Variants in LPP observed in about 807,000 individuals in gnomAD.
LPP encodes the protein LIM domain containing preferred translocation partner in lipoma.
A neutral mutation model predicts 60.4 loss-of-function variants in LPP; 38 were observed. The ratio of observed to expected loss-of-function variants is 0.63; its 90% CI spans 0.49 to 0.83. The LOEUF is 0.83. LPP is among the 40% of genes least tolerant of loss of function. The pLI is 0.00. For synonymous variants in LPP, 328 were observed against 290.8 expected (o/e 1.13, Z -1.30); for missense variants, 902 against 783.6 (o/e 1.15, Z -1.80).
intron 1 of LPP, chr3:188,178,917 T>TG (rs1303108478): frequency 8.1e-6 from 2 of 246,290 alleles, no homozygotes; most frequent in Non-Finnish European, 1.6e-5. Context: ...CATTGCAGAT[T>TG]GGTGCCTCTG....
rs144862431 is a variant in LPP at position 188,344,411 on chromosome 3, G to T, written c.-10+2692G>T. 5.3e-4 allele frequency among the ~76,000 whole-genome samples: 81 copies of T among 152,282 alleles called. 1 individual carries two copies. The highest frequency in any genetic ancestry group is 2.8e-3 in the Admixed American group (43 of 15,288). ...CAAAGCAGTATGTTGTATGTTATGT[G>T]CACCAGAAGCCATGAGAATCCTTTT... On this transcript the variant is annotated intron_variant, in intron 3 of 11. Transcript: ENST00000617246.
intron 3 of LPP, among the ~76,000 whole-genome samples, chr3:188,374,971 G>T (rs1434718136): frequency 6.6e-6 from 1 of 151,440 alleles, no homozygotes; most frequent in Non-Finnish European, 1.5e-5. Context: ...TAATCATGTG[G>T]TTTTTGTCTT....
chr3:188,617,954 T>C (rs543751060), intron 7 of LPP, among the ~76,000 whole-genome samples: 9 of 152,350 alleles, frequency 5.9e-5, no homozygotes, highest in Admixed American at 5.9e-4. Flanking sequence ...ACACTCATAC[T>C]GTCCAATTTC....
At chr3:188,331,906 C>T (rs755659132) in intron 2 of LPP, among the ~76,000 whole-genome samples, 1 of 152,150 alleles carries the variant, frequency 6.6e-6, no homozygotes, top group East Asian at 1.9e-4. Flanking sequence ...AATTCCAAGA[C>T]TATTTTTAAG....
chr3:188,487,877 CAGAGCCAAAAGAACGTCTACTA>C (rs1807054908), intron 5 of LPP, among the ~76,000 whole-genome samples: 1 of 152,116 alleles, frequency 6.6e-6, no homozygotes, highest in Non-Finnish European at 1.5e-5. Flanking sequence ...ATTTTCAGGT[CAGAGCCAAAAGAACGTCTACTA>C]AGAGTGATTA....
At chr3:188,564,952 C>T (rs532870507) in intron 6 of LPP, among the ~76,000 whole-genome samples, 8 of 151,968 alleles carry the variant, frequency 5.3e-5, no homozygotes, top group East Asian at 1.9e-4. Flanking sequence ...ATGGCCTCCT[C>T]ATCCTACGCC....
At chr3:188,295,834 G>A (rs1314840002) in intron 2 of LPP, among the ~76,000 whole-genome samples, 1 of 152,120 alleles carries the variant, frequency 6.6e-6, no homozygotes, top group African/African-American at 2.4e-5. Flanking sequence ...CCTTTATTTT[G>A]TTTTTAAGTG....
In LPP at chr3:188,882,897, C is replaced by T. The variant is rs2152087722; in HGVS notation, c.*8418C>T. 1 of 181,814 alleles carries T rather than the reference C, an allele frequency of 5.5e-6. No individual in the cohort carries two copies. The highest frequency in any genetic ancestry group is 9.1e-5 in the East Asian group (1 of 11,048). The allele number at this position is 181,814 out of a possible 1,614,324, so 11.3% of individuals were successfully genotyped here. On this transcript the variant is annotated 3_prime_UTR_variant, in exon 12 of 12. Coordinates refer to ENST00000617246, the MANE Select transcript of LPP (RefSeq NM_001375462.1). The stretch of plus-strand genomic sequence containing the variant: ...GGGACTACAGACGCCCGCCACCGCG[C>T]CCAGCTAATTTTTTTTGTACTTTTA...
chr3:188,639,707 G>T (rs1475739364), intron 7 of LPP, among the ~76,000 whole-genome samples: 5 of 151,698 alleles, frequency 3.3e-5, no homozygotes, highest in Non-Finnish European at 7.4e-5. Context: ...GTGGGCGAAG[G>T]ACATGAACAG....
intron 7 of LPP, among the ~76,000 whole-genome samples, chr3:188,681,860 ATT>A (rs1200800991): frequency 6.6e-6 from 1 of 152,184 alleles, no homozygotes; most frequent in African/African-American, 2.4e-5. Flanking sequence ...GTGTGTGCAT[ATT>A]GTTTGTCTCT....
chr3:188,276,922 A>G (rs62291418), intron 2 of LPP, among the ~76,000 whole-genome samples: 1 of 51,928 alleles, frequency 1.9e-5, no homozygotes, highest in Non-Finnish European at 3.2e-5. Context: ...TTTTTTTTGG[A>G]GAGACAGGTC....
At chr3:188,185,006 C>T (rs1560092361) in intron 1 of LPP, among the ~76,000 whole-genome samples, 1 of 151,988 alleles carries the variant, frequency 6.6e-6, no homozygotes, top group African/African-American at 2.4e-5. Flanking sequence ...TTTGGAAATC[C>T]CTAAAAATGA....
At chr3:188,654,471 A>C (rs548371501) in intron 7 of LPP, among the ~76,000 whole-genome samples, 1 of 152,278 alleles carries the variant, frequency 6.6e-6, no homozygotes, top group African/African-American at 2.4e-5. Context: ...ATTCTTACAC[A>C]CCTTAGGGTG....
intron 7 of LPP, among the ~76,000 whole-genome samples, chr3:188,638,086 C>T (rs908241553): frequency 9.5e-4 from 140 of 147,940 alleles, no homozygotes; most frequent in African/African-American, 3.3e-3. Flanking sequence ...GACCAATATC[C>T]TTGATGAACA....
At chr3:188,863,564 C>G (rs1765791832) in intron 9 of LPP, among the ~76,000 whole-genome samples, 1 of 152,132 alleles carries the variant, frequency 6.6e-6, no homozygotes, top group African/African-American at 2.4e-5. Flanking sequence ...TCGAAGGCTA[C>G]TGGTAGGCCC....
intron 1 of LPP, among the ~76,000 whole-genome samples, chr3:188,157,718 C>G (rs890746554): frequency 3.3e-5 from 5 of 151,558 alleles, no homozygotes; most frequent in Non-Finnish European, 5.9e-5. Context: ...TGGGGCATGT[C>G]CGTGTATTAA....
At chr3:188,165,815 A>C (rs1042953017) in intron 1 of LPP, among the ~76,000 whole-genome samples, 2 of 152,152 alleles carry the variant, frequency 1.3e-5, no homozygotes, top group Non-Finnish European at 2.9e-5. Context: ...CTCATTTTGC[A>C]TAAGGGGAGA....
chr3:188,491,631 C>T (rs780838579), intron 5 of LPP, among the ~76,000 whole-genome samples: 1 of 152,162 alleles, frequency 6.6e-6, no homozygotes, highest in Non-Finnish European at 1.5e-5. Flanking sequence ...TTATGGTCCA[C>T]ATATGTAGGT....
chr3:188,785,717 G>A (rs1741637189), intron 9 of LPP, among the ~76,000 whole-genome samples: 1 of 151,648 alleles, frequency 6.6e-6, no homozygotes, highest in Admixed American at 6.6e-5. Flanking sequence ...CCTCTGGGTA[G>A]ATACCCAGTA....
Sources: allele counts gnomAD v4.1 joint callset (sites outside exome capture counted in the v4.1 genomes callset), GRCh38; gene constraint gnomAD v4.1.1; transcripts MANE v1.5; gene names NCBI Gene and HGNC (gene_info 2026-07-23, HGNC 2026-07-21).